The following FAM149A variants were observed in gnomAD, a reference collection of about 807,000 sequenced individuals.
FAM149A encodes protein FAM149A.
Under a neutral mutation model 78.2 loss-of-function variants are expected in FAM149A, and 71 were observed. That is an observed-to-expected ratio of 0.91 (90% CI 0.75 to 1.11). The LOEUF (loss-of-function observed/expected upper bound fraction) is 1.11, where lower values mean the gene tolerates loss of function less well. Among genes scored for constraint, FAM149A ranks in the 50% least tolerant of loss-of-function variants. The pLI is 0.00. For synonymous variants in FAM149A, 446 were observed against 410.5 expected (o/e 1.09, Z -1.04); for missense variants, 1,036 against 971.0 (o/e 1.07, Z -0.89).
At position 186,154,507 on chromosome 4, in the gene FAM149A, C is replaced by T. The variant is rs1295722956; in HGVS notation, c.1098C>T (p.Leu366=). 1 of 1,613,974 alleles carries T rather than the reference C, an allele frequency of 6.2e-7. No homozygotes were observed. The highest frequency in any genetic ancestry group is 1.3e-5 in the African/African-American group (1 of 74,904). The change falls in exon 6 of 14, where the codon CTC becomes CTT. Residue 366 remains leucine, a synonymous_variant. Transcript: ENST00000389354. ...GCTCTCAAATAGTCCCAGCAGCACT[C>T]TCAGCCTCTGCCCTGCCAGGCCCTG...
intron 1 of FAM149A, among the ~76,000 whole-genome samples, chr4:186,124,725 C>G (rs936611151): frequency 1.6e-4 from 25 of 152,128 alleles, no homozygotes; most frequent in African/African-American, 5.8e-4. Flanking sequence ...AATAAACATA[C>G]GTGTGCACGT....
At chr4:186,126,495 G>A (rs1706147) in intron 1 of FAM149A, among the ~76,000 whole-genome samples, 151,208 of 152,300 alleles carry the variant, frequency 0.99, 75,074 homozygotes, top group East Asian at 1. Flanking sequence ...ATCCCTTAAG[G>A]GGCCAAATAG....
Position 186,171,929 on chromosome 4 carries a change from C to T in FAM149A, c.2234C>T (p.Pro745Leu), listed in dbSNP as rs1250538917. The T allele has an allele frequency of 5.6e-6, 9 of 1,610,254 alleles. No homozygotes were observed. The highest frequency in any genetic ancestry group is 2.2e-5 in the South Asian group (2 of 90,064). The change falls in exon 14 of 14, where the codon CCT (proline) becomes CTT (leucine). Residue 745 changes from proline to leucine, a missense_variant. Around this residue, in one of 3 missense-constraint regions of FAM149A, gnomAD observed 716 missense variants for 711.8 expected, o/e 1.01. Coordinates refer to ENST00000389354, the MANE Select transcript of FAM149A (RefSeq NM_001367768.3). ...GTGTTTCCAGGTTCACAATATGTGC[C>T]TAAATCTTTTCAGAGGACAACTTTG...
Position 186,161,915 on chromosome 4 carries a change from A to AT in FAM149A, c.1576-927dup, listed in dbSNP as rs147009085. Among the ~76,000 whole-genome samples the AT allele has an allele frequency of 8.4e-3, 1,281 of 152,288 alleles. 21 individuals are homozygous for AT. The highest frequency in any genetic ancestry group is 0.029 in the African/African-American group (1,209 of 41,548). On this transcript the variant is annotated intron_variant, in intron 8 of 13. Transcript: ENST00000389354. ...ATATGGTTATTTGAAAAAATTTTTA[A>AT]TTTACTTTAAGTTCTGGGATACATG...
chr4:186,126,044 G>T (rs2099318204), intron 1 of FAM149A: 2 of 985,326 alleles, frequency 2.0e-6, no homozygotes, highest in Non-Finnish European at 2.4e-6. Context: ...TTCCTGTTTG[G>T]GTGGTGTTTC....
chr4:186,173,692 GGCA>G lies in FAM149A; in HGVS notation c.*1729_*1731del, dbSNP rs781534240. On this transcript the variant is annotated 3_prime_UTR_variant, in exon 14 of 14. Transcript: ENST00000389354. ...ATTTCTATAGCAATGAGACACATTAGGCAGCAGCAGCAGCAGCAGCAGCAGCGA... is the reference window on the plus strand; with the variant it reads ...ATTTCTATAGCAATGAGACACATTAGGCAGCAGCAGCAGCAGCAGCAGCGA... Among the ~76,000 whole-genome samples the G allele has an allele frequency of 3.6e-3, 393 of 110,212 alleles. 134 individuals are homozygous for G. Among genetic ancestry groups the G allele is most frequent in the Non-Finnish European group, 7.1e-3 (310 of 43,902 alleles). The allele number at this position is 110,212 out of a possible 152,430, so 72.3% of individuals were successfully genotyped here. A position where few individuals can be genotyped will look rare whatever the true frequency, so the allele number is the denominator to read the frequency against.
chr4:186,172,069 A>C lies in FAM149A; in HGVS notation c.*82A>C, dbSNP rs779350806. ...TGAAAAATGGAGGAACAAGTGTTAT[A>C]TTTATCTGTGTGTCTGACAGTGTGA... is the stretch of plus-strand genomic sequence containing the variant. On this transcript the variant is annotated 3_prime_UTR_variant, in exon 14 of 14. Transcript: ENST00000389354. 6.4e-7 allele frequency: 1 copy of C among 1,558,008 alleles called. No individual in the cohort carries two copies. The highest frequency in any genetic ancestry group is 8.7e-7 in the Non-Finnish European group (1 of 1,155,628).
intron 1 of FAM149A, among the ~76,000 whole-genome samples, chr4:186,115,549 ATGG>A (rs1333145819): frequency 1.5e-4 from 1 of 6,574 alleles, no homozygotes; most frequent in African/African-American, 2.8e-4. Context: ...GTCTTTGATG[ATGG>A]TGATGTACAG....
At chr4:186,157,347 T>C (rs1268555598) in intron 7 of FAM149A, among the ~76,000 whole-genome samples, 1 of 152,188 alleles carries the variant, frequency 6.6e-6, no homozygotes, top group Non-Finnish European at 1.5e-5. Context: ...AGAATCTGTA[T>C]TGCCCACTGT....
chr4:186,155,138 A>AT (rs1010911514), intron 6 of FAM149A, among the ~76,000 whole-genome samples: 13 of 150,952 alleles, frequency 8.6e-5, no homozygotes, highest in African/African-American at 1.9e-4. Flanking sequence ...AATTTTTTGA[A>AT]TTTTTTTTTA....
At chr4:186,142,991 GTC>G (rs931959940) in intron 1 of FAM149A, among the ~76,000 whole-genome samples, 3 of 151,924 alleles carry the variant, frequency 2.0e-5, no homozygotes, top group African/African-American at 4.8e-5. Context: ...GTTACTTAAG[GTC>G]TCTGACATCA....
intron 1 of FAM149A, chr4:186,109,696 C>G: frequency 1.0e-6 from 1 of 982,826 alleles, no homozygotes; most frequent in Non-Finnish European, 1.2e-6. Flanking sequence ...CTACCTGCTT[C>G]TTGGCACAGA....
In FAM149A at chr4:186,163,579, A is replaced by G. The variant is rs1734785590; in HGVS notation, c.1835A>G (p.Gln612Arg). Reference sequence around the variant, plus strand: ...CTGCCTTCTCTTGCTTCAGATTCACAGAGACTAAAAACTCCCAACATCTAT... The same window carrying G: ...CTGCCTTCTCTTGCTTCAGATTCACGGAGACTAAAAACTCCCAACATCTAT... The change falls in exon 10 of 14, where the codon CAG becomes CGG. Residue 612 changes from glutamine to arginine, a missense_variant. Physicochemically the swap from Gln to Arg is conservative, Grantham distance 43. Transcript: ENST00000389354. 5 of 1,614,222 alleles carry G rather than the reference A, an allele frequency of 3.1e-6. No individual in the cohort carries two copies. Among genetic ancestry groups the G allele is most frequent in the Non-Finnish European group, 4.2e-6 (5 of 1,180,036 alleles).
intron 4 of FAM149A, among the ~76,000 whole-genome samples, chr4:186,153,072 T>C (rs535190621): frequency 4.6e-5 from 7 of 151,570 alleles, no homozygotes; most frequent in Admixed American, 4.6e-4. Flanking sequence ...CCCTAAAGAG[T>C]ATGATATGTC....
At chr4:186,153,502 T>G in intron 4 of FAM149A, 143 bp from the exon 5 acceptor site, 1 of 1,481,900 alleles carries the variant, frequency 6.7e-7, no homozygotes, top group East Asian at 2.3e-5. Context: ...GTCACACTTC[T>G]GTGATGCGTG....
At chr4:186,158,806 C>A in intron 8 of FAM149A, 1 of 1,013,126 alleles carries the variant, frequency 9.9e-7, no homozygotes, top group Admixed American at 5.7e-5. Flanking sequence ...TCCCAATGCT[C>A]AGGCCCCTGA....
intron 1 of FAM149A, among the ~76,000 whole-genome samples, chr4:186,119,805 A>T (rs1301072016): frequency 1.3e-5 from 2 of 152,222 alleles, no homozygotes; most frequent in African/African-American, 4.8e-5. Flanking sequence ...TCAATTCCCT[A>T]GTATCAAACA....
rs1298221220 is a variant in FAM149A, at chr4:186,165,495, C to G, written c.2010+31C>G. On this transcript the variant is annotated intron_variant, in intron 11 of 13. Coordinates refer to ENST00000389354, the MANE Select transcript of FAM149A (RefSeq NM_001367768.3). ...ACAGATTTCATTCTATTTCAGTGGA[C>G]CATTTAGGTTCTGTATTGGAAAACA... 3 of 1,611,808 alleles carry G rather than the reference C, an allele frequency of 1.9e-6. No individual in the cohort carries two copies. In the South Asian group the frequency reaches 3.3e-5, roughly 18 times the overall value.
chr4:186,149,272 T>C lies in FAM149A; in HGVS notation c.666T>C (p.Asp222=). Residue 222 remains aspartate, a synonymous_variant, in exon 2 of 14, where the codon GAT becomes GAC. Coordinates refer to ENST00000389354, the MANE Select transcript of FAM149A (RefSeq NM_001367768.3). ...CAAGAAATGTGCAGAAAGCCATTGA[T>C]AAATATACCTGGTAAGAATTCACCT... 7.8e-7 allele frequency: 1 copy of C among 1,286,668 alleles called. No individual in the cohort carries two copies. The highest frequency in any genetic ancestry group is 1.0e-6 in the Non-Finnish European group (1 of 988,148). 79.7% of individuals were successfully genotyped at this position (1,286,668 alleles called of 1,614,324 possible). A position where few individuals can be genotyped will look rare whatever the true frequency, so the allele number is the denominator to read the frequency against.
Sources: gnomAD v4.1 joint callset for allele counts (sites outside exome capture counted in the v4.1 genomes callset) on GRCh38, gnomAD v4.1.1 for gene constraint, gnomAD v4.1.1 regional missense constraint, MANE v1.5 for transcripts, NCBI Gene and HGNC (gene_info 2026-07-23, HGNC 2026-07-21) for gene names.